Variants in SYNJ2 observed in about 807,000 individuals in gnomAD.
SYNJ2 encodes polyphosphatidylinositol phosphatase SYNJ2.
SYNJ2 carries 116 observed loss-of-function variants against 141.3 expected under a neutral mutation model. The ratio of observed to expected loss-of-function variants is 0.82; its 90% confidence interval spans 0.71 to 0.96. The LOEUF (loss-of-function observed/expected upper bound fraction) is 0.96, where lower values mean the gene tolerates loss of function less well. Ranked by LOEUF, SYNJ2 falls within the 40% of genes least tolerant of loss-of-function variation. The pLI is 0.00. For missense variants in SYNJ2, 1,873 were observed against 1,934.8 expected (o/e 0.97, Z 0.60); for synonymous variants, 745 against 777.7 (o/e 0.96, Z 0.70).
intron 1 of SYNJ2, among the ~76,000 whole-genome samples, chr6:158,004,899 C>CCACGT (rs58418371): frequency 0.082 from 12,462 of 151,932 alleles, 642 homozygotes; most frequent in East Asian, 0.18. Flanking sequence ...TCTTCAGTGG[C>CCACGT]CACGTCGTTG....
At chr6:157,993,059 GTACATAACA>G (rs1777510115) in intron 1 of SYNJ2, among the ~76,000 whole-genome samples, 1 of 152,146 alleles carries the variant, frequency 6.6e-6, no homozygotes, top group Admixed American at 6.5e-5. Flanking sequence ...AGTACATATA[GTACATAACA>G]TATATAACAT....
At chr6:158,035,309 A>G (rs1430693448) in intron 4 of SYNJ2, among the ~76,000 whole-genome samples, 4 of 152,230 alleles carry the variant, frequency 2.6e-5, no homozygotes, top group Admixed American at 2.6e-4. Context: ...CTTCTTATCC[A>G]TGAGGATGGA....
At chr6:157,981,468 G>C (rs756657201), upstream of SYNJ2, among the ~76,000 whole-genome samples, 1 of 152,216 alleles carries the variant, frequency 6.6e-6, no homozygotes, top group East Asian at 1.9e-4. This position sits in a 1 kb window ranked among gnomAD's most constrained non-coding sequence, Gnocchi z 6.4. Flanking sequence ...GTCCAGGGTC[G>C]CAGGAGCCGA....
intron 1 of SYNJ2, among the ~76,000 whole-genome samples, chr6:157,992,728 C>T (rs1234543840): frequency 6.6e-6 from 1 of 151,860 alleles, no homozygotes; most frequent in African/African-American, 2.4e-5. Flanking sequence ...TTTCACTTAA[C>T]ATAATGACCT....
At chr6:158,066,970 G>A (rs1167959666) in intron 12 of SYNJ2, among the ~76,000 whole-genome samples, 1 of 152,090 alleles carries the variant, frequency 6.6e-6, no homozygotes, top group Non-Finnish European at 1.5e-5. Context: ...TGTGAGGTTG[G>A]GAGCCAAGCC....
At chr6:158,068,972 C>T (rs750762412) in intron 13 of SYNJ2, among the ~76,000 whole-genome samples, 5 of 152,162 alleles carry the variant, frequency 3.3e-5, no homozygotes, top group African/African-American at 4.8e-5. Context: ...CTTTGCAGTG[C>T]TCTGGCCTCG....
At chr6:158,029,171 T>TCAG (rs1284651949) in intron 3 of SYNJ2, 145 bp downstream of exon 3, 2 of 1,097,596 alleles carry the variant, frequency 1.8e-6, no homozygotes, top group Non-Finnish European at 2.5e-6. Context: ...AGGCCTGCTC[T>TCAG]CAGCACAATG....
intron 14 of SYNJ2, chr6:158,069,980 T>G (rs995536615): frequency 4.9e-6 from 2 of 410,672 alleles, no homozygotes; most frequent in Non-Finnish European, 7.0e-6. Flanking sequence ...TGGAATCTTA[T>G]AGACAGGAAA....
Position 158,096,064 on chromosome 6 carries a change from C to T in SYNJ2, c.4191C>T (p.Thr1397=). 6.2e-7 allele frequency: 1 copy of T among 1,614,220 alleles called. No individual in the cohort carries two copies. The highest frequency in any genetic ancestry group is 1.6e-4 in the Middle Eastern group (1 of 6,062). Reference sequence around the variant, plus strand: ...CTACAAGCCCCGACAGCGATGGCACCAAAGCGATGAAGCCAGAGGCAGCCC... The same window carrying T: ...CTACAAGCCCCGACAGCGATGGCACTAAAGCGATGAAGCCAGAGGCAGCCC... ...SSATSPDSDG[T]KAMKPEAAPL... Residue 1397 remains threonine, a synonymous_variant, in exon 27 of 27, where the codon ACC becomes ACT. Transcript: ENST00000355585.
rs11962719 is a variant in SYNJ2 at position 158,027,087 on chromosome 6, C to T, written c.215-1669C>T. On this transcript the variant is annotated intron_variant, in intron 2 of 26. Transcript: ENST00000355585. The surrounding 1 kb of genome is among the most constrained non-coding windows in gnomAD (Gnocchi z 4.6). ...GCAGCAGGCCCCTGGGAGCCCTGAG[C>T]GCTCATTAAAGGAACGCACTTTAAT... 9,557 of 985,322 alleles carry T rather than the reference C, an allele frequency of 9.7e-3. 709 individuals carry two copies. In the African/African-American group the frequency reaches 0.15, roughly 16 times the overall value. 61.0% of individuals were successfully genotyped at this position (985,322 alleles called of 1,614,324 possible).
intron 1 of SYNJ2, among the ~76,000 whole-genome samples, chr6:157,999,965 A>G (rs1314379265): frequency 6.6e-6 from 1 of 151,616 alleles, no homozygotes; most frequent in Non-Finnish European, 1.5e-5. Context: ...ACACAGCACA[A>G]CAGCTTATGG....
At chr6:158,028,683 A>G (rs1003234974) in intron 2 of SYNJ2, 73 bp from the exon 3 acceptor site, 7 of 1,566,886 alleles carry the variant, frequency 4.5e-6, no homozygotes, top group Middle Eastern at 2.2e-4. Context: ...CCTGGGCTCC[A>G]TTTGTCCCCT....
At chr6:158,039,215 C>T (rs113305741) in intron 4 of SYNJ2, among the ~76,000 whole-genome samples, 23 of 152,362 alleles carry the variant, frequency 1.5e-4, no homozygotes, top group African/African-American at 5.5e-4. Context: ...TTAGGTTGAT[C>T]TAAGTTCGTT....
chr6:158,017,391 CTT>C lies in SYNJ2; in HGVS notation c.214+102_214+103del, dbSNP rs1451507585. The C allele has an allele frequency of 3.8e-6, 4 of 1,055,748 alleles. No individual in the cohort carries two copies. In the Admixed American group the frequency reaches 1.3e-4, roughly 34 times the overall value. The allele number at this position is 1,055,748 out of a possible 1,614,324, so 65.4% of individuals were successfully genotyped here. On this transcript the variant is annotated intron_variant, in intron 2 of 26. Coordinates refer to ENST00000355585, the MANE Select transcript of SYNJ2 (RefSeq NM_003898.4). ...AGTGCAGGCATTCTGTTTGACCGCT[CTT>C]CTCTCTCTCTTCTTTTTTTTTTTTT...
At chr6:158,042,992 G>A (rs182027965) in intron 4 of SYNJ2, among the ~76,000 whole-genome samples, 1 of 152,304 alleles carries the variant, frequency 6.6e-6, no homozygotes, top group East Asian at 1.9e-4. Flanking sequence ...TATTCATACA[G>A]GGGGTGGCGG....
In SYNJ2 at chr6:158,081,415, A is replaced by T; in HGVS notation, c.2787-17A>T. On this transcript the variant is annotated splice_polypyrimidine_tract_variant and intron_variant, in intron 19 of 26. Transcript: ENST00000355585. Reference sequence around the variant, plus strand: ...CAGGTCGTTCTTGGCATTGACTTGGAGTATCATTTATTCCAGGATCAACCA... The same window carrying T: ...CAGGTCGTTCTTGGCATTGACTTGGTGTATCATTTATTCCAGGATCAACCA... 6.2e-7 allele frequency: 1 copy of T among 1,613,632 alleles called. No homozygotes were observed. The highest frequency in any genetic ancestry group is 1.1e-5 in the South Asian group (1 of 91,054).
chr6:158,061,273 C>T (rs557029174), intron 7 of SYNJ2, among the ~76,000 whole-genome samples: 4 of 152,306 alleles, frequency 2.6e-5, no homozygotes, highest in Admixed American at 1.3e-4. Flanking sequence ...GCCTGGAAGC[C>T]GGGTGGCCTG....
Position 157,982,237 on chromosome 6 carries a change from T to TTGAA in SYNJ2, c.127+154_127+157dup, listed in dbSNP as rs562347860. The TTGAA allele has an allele frequency of 1.4e-5, 15 of 1,091,144 alleles. No individual in the cohort carries two copies. In the South Asian group the frequency reaches 4.9e-4, roughly 36 times the overall value. 67.6% of individuals were successfully genotyped at this position (1,091,144 alleles called of 1,614,324 possible). On this transcript the variant is annotated intron_variant, in intron 1 of 26. Transcript: ENST00000355585. This position sits in a 1 kb window ranked among gnomAD's most constrained non-coding sequence, Gnocchi z 4.0. ...GGGTCGCGCGCAGAGGGGTGGCTGT[T>TTGAA]TGAATGAAGTGGGGCTGGGGACTCG...
In SYNJ2 at chr6:158,093,048, C is replaced by T. The variant is rs570177970; in HGVS notation, c.3688C>T (p.Arg1230Trp). Residue 1230 changes from arginine to tryptophan, a missense_variant, in exon 26 of 27, where the codon CGG (arginine) becomes TGG (tryptophan). Physicochemically the swap from Arg to Trp is moderately radical, Grantham distance 101 (BLOSUM62 -3). Coordinates refer to ENST00000355585, the MANE Select transcript of SYNJ2 (RefSeq NM_003898.4). ...TPQAPPLLPR[R>W]PPPRVPAIKK... is the part of the protein sequence containing the mutation. ...ACAGGCGCCCCCACTCCTTCCCCGT[C>T]GGCCCCCACCCAGAGTTCCTGCCAT... 1.6e-5 allele frequency: 26 copies of T among 1,609,288 alleles called. No homozygotes were observed. The highest frequency in any genetic ancestry group is 1.7e-4 in the Middle Eastern group (1 of 6,052).
Sources: allele counts gnomAD v4.1 joint callset (sites outside exome capture counted in the v4.1 genomes callset), GRCh38; gene constraint gnomAD v4.1.1; non-coding constraint Gnocchi (gnomAD v3.1); transcripts MANE v1.5; gene names NCBI Gene and HGNC (gene_info 2026-07-23, HGNC 2026-07-21).